The following RUVBL1 variants were observed in gnomAD, a reference collection of about 807,000 sequenced individuals.
RUVBL1 encodes the protein ruvB-like 1.
RUVBL1 carries 4 observed loss-of-function variants against 52.4 expected under a neutral mutation model. That is an observed-to-expected ratio of 0.08 (90% CI 0.04 to 0.17). The LOEUF (loss-of-function observed/expected upper bound fraction) is 0.17. Among genes scored for constraint, RUVBL1 ranks in the 10% least tolerant of loss-of-function variants. The probability of loss-of-function intolerance (pLI) is 1.00; values close to 1 mark genes in which losing one functional copy is unlikely to be tolerated. For synonymous variants in RUVBL1, 217 were observed against 214.4 expected (o/e 1.01, Z -0.10); for missense variants, 298 against 572.8 (o/e 0.52, Z 4.90).
In RUVBL1 at chr3:128,150,780, C is replaced by A. The variant is rs1197325248; in HGVS notation, c.-40+2423G>T. 1.4e-4 allele frequency among the ~76,000 whole-genome samples: 13 copies of A among 90,726 alleles called. 1 individual carries two copies. Among genetic ancestry groups the A allele is most frequent in the African/African-American group, 5.8e-4 (13 of 22,328 alleles). 59.5% of individuals were successfully genotyped at this position (90,726 alleles called of 152,430 possible). A position where few individuals can be genotyped will look rare whatever the true frequency, so the allele number is the denominator to read the frequency against. ...CTATATATTCTATATATTATATATT[C>A]TATATATATTCTATATATTATATAT... On this transcript the variant is annotated intron_variant, in intron 1 of 9. Transcript: ENST00000464873.
Position 128,119,342 on chromosome 3 carries a change from G to A in RUVBL1, c.214C>T (p.Pro72Ser). Reference protein sequence around the residue: ...AGRAVLLAGPPGTGKTALALA... With the variant: ...AGRAVLLAGPSGTGKTALALA... ...AAAATGAGTACCTTGCCAGTTCCAG[G>A]AGGTCCTGCCAACAAGACAGCTCTT... The change falls in exon 2 of 11, where the codon CCT becomes TCT. Residue 72 changes from proline (P) to serine (S), a missense_variant. Physicochemically the swap from Pro to Ser is moderately conservative, Grantham distance 74. Transcript: ENST00000322623. The A allele has an allele frequency of 6.2e-7, 1 of 1,613,694 alleles. No homozygotes were observed. Among genetic ancestry groups the A allele is most frequent in the Non-Finnish European group, 8.5e-7 (1 of 1,179,698 alleles).
intron 9 of RUVBL1, chr3:128,068,527 T>C (rs893127565): frequency 6.1e-6 from 1 of 163,120 alleles, no homozygotes; most frequent in Admixed American, 5.9e-5. Flanking sequence ...ACGGAAGGGG[T>C]TGATGTGCAT....
intron 3 of RUVBL1, among the ~76,000 whole-genome samples, chr3:128,110,000 A>G (rs1011404083): frequency 1.3e-5 from 2 of 151,960 alleles, no homozygotes; most frequent in African/African-American, 4.8e-5. Context: ...TATTTTTAGT[A>G]GAGACGGGGT....
rs1475291442 is a variant in RUVBL1 at position 128,109,800 on chromosome 3, T to C, written c.361+3088A>G. Among the ~76,000 whole-genome samples, 9 of 141,944 alleles carry C rather than the reference T, an allele frequency of 6.3e-5. No individual in the cohort carries two copies. The South Asian group carries it at 1.1e-3, about 18-fold the overall frequency. 93.1% of individuals were successfully genotyped at this position (141,944 alleles called of 152,430 possible). A position where few individuals can be genotyped will look rare whatever the true frequency, so the allele number is the denominator to read the frequency against. ...CCACCATGAGCCATCAGGCCTGGCCTCTCTGTAAATTTTTTTTTTTTTTTT... is the reference window on the plus strand; with the variant it reads ...CCACCATGAGCCATCAGGCCTGGCCCCTCTGTAAATTTTTTTTTTTTTTTT... On this transcript the variant is annotated intron_variant, in intron 3 of 10. Transcript: ENST00000322623.
At chr3:128,080,529 A>T (rs1359865786), downstream of RUVBL1, among the ~76,000 whole-genome samples, 1 of 152,124 alleles carries the variant, frequency 6.6e-6, no homozygotes, top group Non-Finnish European at 1.5e-5. Context: ...AGAACCACAC[A>T]TGATACGATG....
At chr3:128,065,927 A>G (rs972522538) in intron 9 of RUVBL1, among the ~76,000 whole-genome samples, 1 of 151,444 alleles carries the variant, frequency 6.6e-6, no homozygotes, top group African/African-American at 2.4e-5. Flanking sequence ...TATTTTTAGT[A>G]TAGACAGGGT....
chr3:128,092,992 A>G (rs1360050840), intron 8 of RUVBL1, among the ~76,000 whole-genome samples: 1 of 152,178 alleles, frequency 6.6e-6, no homozygotes, highest in Non-Finnish European at 1.5e-5. Flanking sequence ...TGGTCAACAA[A>G]GTGAGACCCC....
At chr3:128,071,169 G>C (rs985445985) in intron 9 of RUVBL1, 1 of 152,672 alleles carries the variant, frequency 6.5e-6, no homozygotes, top group Non-Finnish European at 1.5e-5. Flanking sequence ...AGTGACCAAG[G>C]GACAAGAAGG....
rs1482076158 is a variant in RUVBL1, at chr3:128,101,620, T to G, written c.542A>C (p.Gln181Pro). The G allele has an allele frequency of 1.2e-6, 2 of 1,614,004 alleles. No homozygotes were observed. Among genetic ancestry groups the G allele is most frequent in the Non-Finnish European group, 1.7e-6 (2 of 1,180,024 alleles). The change falls in exon 5 of 11, where the codon CAG becomes CCG. Residue 181 changes from glutamine to proline, a missense_variant. By Grantham distance (76) the Gln-to-Pro change is moderately conservative. Around this residue, in one of 5 missense-constraint regions of RUVBL1, gnomAD observed 58 missense variants for 83.2 expected, o/e 0.70. Coordinates refer to ENST00000322623, the MANE Select transcript of RUVBL1 (RefSeq NM_003707.3). ...KLDPSIFESL[Q>P]KERVEAGDVI... Reference sequence around the variant, plus strand: ...ATCTCCAGCTTCTACTCGCTCTTTCTGCAAACTTTCAAAAATGCTGGGGTC... The same window carrying G: ...ATCTCCAGCTTCTACTCGCTCTTTCGGCAAACTTTCAAAAATGCTGGGGTC...
chr3:128,122,633 T>C (rs1576478277), intron 1 of RUVBL1, among the ~76,000 whole-genome samples: 1 of 152,232 alleles, frequency 6.6e-6, no homozygotes, highest in African/African-American at 2.4e-5. Flanking sequence ...GGCCTTTCCA[T>C]TTAGAAAAAT....
At chr3:128,147,606 C>T (rs1249204831) in intron 1 of RUVBL1, among the ~76,000 whole-genome samples, 2 of 152,082 alleles carry the variant, frequency 1.3e-5, no homozygotes, top group Non-Finnish European at 2.9e-5. Flanking sequence ...TCAACAATAC[C>T]AAATACAACT....
intron 1 of RUVBL1, among the ~76,000 whole-genome samples, chr3:128,141,598 G>A (rs1944021662): frequency 6.6e-6 from 1 of 152,158 alleles, no homozygotes; most frequent in African/African-American, 2.4e-5. Flanking sequence ...CCCAGATCAA[G>A]CGATTCTCCT....
At chr3:128,152,993 GCC>G (rs1196824244) in intron 1 of RUVBL1, among the ~76,000 whole-genome samples, 1 of 24,174 alleles carries the variant, frequency 4.1e-5, no homozygotes, top group African/African-American at 2.3e-4. Flanking sequence ...CGCCCACCCC[GCC>G]CCCCCCGCCC....
At chr3:128,109,923 C>T (rs941180868) in intron 3 of RUVBL1, among the ~76,000 whole-genome samples, 7 of 139,012 alleles carry the variant, frequency 5.0e-5, no homozygotes, top group African/African-American at 1.9e-4. Flanking sequence ...TCAAGCAATT[C>T]TCCTGCCTCA....
In RUVBL1 at chr3:128,144,474, C is replaced by T. The variant is rs373513533; in HGVS notation, c.-40+8729G>A. ...AATCGCAGTTCTGCAGGCTGTTTCC[C>T]GTCACTAATTTTCCCAGGGACTGTG... On this transcript the variant is annotated intron_variant, in intron 1 of 9. Transcript: ENST00000464873. Among the ~76,000 whole-genome samples the T allele has an allele frequency of 5.9e-5, 9 of 152,290 alleles. No individual in the cohort carries two copies. The East Asian group carries it at 9.7e-4, about 16-fold the overall frequency.
At chr3:128,153,828 G>T in exon 1 of RUVBL1, 1 of 1,505,362 alleles carries the variant, frequency 6.6e-7, no homozygotes, top group Non-Finnish European at 8.8e-7. Flanking sequence ...TCGGCGGTGA[G>T]CGCGGGCCGG....
exon 1 of RUVBL1, chr3:128,153,481 G>A: frequency 6.8e-7 from 1 of 1,472,226 alleles, no homozygotes; most frequent in Non-Finnish European, 8.9e-7. Flanking sequence ...GGCGGGCCGG[G>A]CGGGTGTCCG....
At chr3:128,145,718 C>T (rs1224985650) in intron 1 of RUVBL1, among the ~76,000 whole-genome samples, 1 of 152,172 alleles carries the variant, frequency 6.6e-6, no homozygotes, top group East Asian at 1.9e-4. Flanking sequence ...TAACTCTTCC[C>T]TTGGGGACTA....
chr3:128,082,353 C>T lies in RUVBL1; in HGVS notation c.1211+130G>A, dbSNP rs377005121. 4.3e-5 allele frequency: 29 copies of T among 680,936 alleles called. No individual in the cohort carries two copies. The highest frequency in any genetic ancestry group is 2.9e-4 in the African/African-American group (16 of 55,756). 42.2% of individuals were successfully genotyped at this position (680,936 alleles called of 1,614,324 possible). A position where few individuals can be genotyped will look rare whatever the true frequency, so the allele number is the denominator to read the frequency against. On this transcript the variant is annotated intron_variant, in intron 10 of 10. Coordinates refer to ENST00000322623, the MANE Select transcript of RUVBL1 (RefSeq NM_003707.3). The surrounding 1 kb of genome is among the most constrained non-coding windows in gnomAD (Gnocchi z 4.7). ...GAAACTCAAGTGCCCTGGCACCCAT[C>T]GCGCCAGGAAGAGCGGATGGATAGA... is the stretch of plus-strand genomic sequence containing the variant.
Sources: gnomAD v4.1 joint callset for allele counts (sites outside exome capture counted in the v4.1 genomes callset) on GRCh38, gnomAD v4.1.1 for gene constraint, gnomAD v4.1.1 regional missense constraint, Gnocchi (gnomAD v3.1) non-coding constraint, MANE v1.5 for transcripts, NCBI Gene and HGNC (gene_info 2026-07-23, HGNC 2026-07-21) for gene names.